Variants in XKR9 observed in about 807,000 individuals in gnomAD.
XKR9 encodes the protein XK related 9, also known as XK-related protein 9.
In XKR9, 32 loss-of-function variants were observed where a neutral mutation model predicts 32.0. The ratio of observed to expected loss-of-function variants is 1.00; its 90% CI spans 0.76 to 1.34. The LOEUF is 1.34. XKR9 is among the 40% of genes most tolerant of loss of function. The probability of loss-of-function intolerance (pLI) is 0.00; values close to 1 mark genes in which losing one functional copy is unlikely to be tolerated. For synonymous variants in XKR9, 168 were observed against 143.4 expected (o/e 1.17, Z -1.22); for missense variants, 546 against 429.7 (o/e 1.27, Z -2.39).
At chr8:70,767,496 C>CTTTTTTTTT (rs34400671) in intron 2 of XKR9, among the ~76,000 whole-genome samples, 59 of 99,342 alleles carry the variant, frequency 5.9e-4, no homozygotes, top group Non-Finnish European at 9.0e-4. Context: ...TCTTTTCCTT[C>CTTTTTTTTT]TTTTTTTTTT....
At chr8:70,839,612 A>G in the XKR9 span, among the ~76,000 whole-genome samples, 3 of 152,108 alleles carry the variant, frequency 2.0e-5, no homozygotes, top group Non-Finnish European at 2.9e-5. Context: ...TTTGTCATCT[A>G]TTTCTTTTTT....
the XKR9 span, among the ~76,000 whole-genome samples, chr8:70,891,149 G>T: frequency 1.3e-5 from 2 of 150,638 alleles, no homozygotes; most frequent in African/African-American, 2.4e-5. Context: ...CTCCTGTTTT[G>T]TTTTTGCTTT....
At chr8:71,001,981 T>A in the XKR9 span, among the ~76,000 whole-genome samples, 48,432 of 152,016 alleles carry the variant, frequency 0.32, 9,051 homozygotes, top group Non-Finnish European at 0.43. Context: ...AAAAGGTAGA[T>A]TAGTTTGGGT....
chr8:70,936,384 G>A, the XKR9 span, among the ~76,000 whole-genome samples: 1 of 152,062 alleles, frequency 6.6e-6, no homozygotes, highest in Non-Finnish European at 1.5e-5. Context: ...CACTGGAAGA[G>A]CCCAGGCAGA....
the XKR9 span, among the ~76,000 whole-genome samples, chr8:70,813,711 G>A: frequency 8.0e-4 from 122 of 152,256 alleles, no homozygotes; most frequent in Admixed American, 2.2e-3. Flanking sequence ...ATCACTGGCC[G>A]TCAGAGAAAT....
At chr8:70,825,371 C>A in the XKR9 span, among the ~76,000 whole-genome samples, 1 of 151,920 alleles carries the variant, frequency 6.6e-6, no homozygotes, top group Non-Finnish European at 1.5e-5. Context: ...TGCTTATTTC[C>A]TCCTCTTATG....
chr8:70,857,959 C>T, the XKR9 span, among the ~76,000 whole-genome samples: 10 of 152,038 alleles, frequency 6.6e-5, no homozygotes, highest in African/African-American at 2.2e-4. Flanking sequence ...ATTGATGGGA[C>T]GCATCTCAAA....
chr8:70,960,655 A>T, the XKR9 span, among the ~76,000 whole-genome samples: 1 of 152,056 alleles, frequency 6.6e-6, no homozygotes, highest in Middle Eastern at 3.4e-3. Flanking sequence ...AGGCGGGAGG[A>T]TTGCTTGAAC....
chr8:70,900,883 C>T, the XKR9 span, among the ~76,000 whole-genome samples: 1 of 152,202 alleles, frequency 6.6e-6, no homozygotes, highest in Admixed American at 6.5e-5. Context: ...TGTTCAATTC[C>T]CACCTATGAG....
At chr8:70,877,602 A>C in the XKR9 span, among the ~76,000 whole-genome samples, 2 of 152,216 alleles carry the variant, frequency 1.3e-5, no homozygotes, top group Non-Finnish European at 2.9e-5. Flanking sequence ...CAAGAAAACA[A>C]GGTTAAAGAA....
the XKR9 span, among the ~76,000 whole-genome samples, chr8:70,813,916 C>T: frequency 1.1e-4 from 17 of 152,220 alleles, no homozygotes; most frequent in South Asian, 2.1e-4. Context: ...CTAGAAATAC[C>T]ATTTGACGCA....
chr8:70,817,423 G>T, the XKR9 span, among the ~76,000 whole-genome samples: 1 of 152,080 alleles, frequency 6.6e-6, no homozygotes, highest in African/African-American at 2.4e-5. Flanking sequence ...TAACCAGGAA[G>T]TTCAAAGATC....
At chr8:70,927,048 A>C in the XKR9 span, among the ~76,000 whole-genome samples, 1 of 151,604 alleles carries the variant, frequency 6.6e-6, no homozygotes, top group Non-Finnish European at 1.5e-5. Flanking sequence ...TTTATGTATA[A>C]GATACATTTT....
the XKR9 span, among the ~76,000 whole-genome samples, chr8:70,897,730 A>ATT: frequency 6.6e-6 from 1 of 151,990 alleles, no homozygotes; most frequent in African/African-American, 2.4e-5. Flanking sequence ...GGATTATTAG[A>ATT]TTTTTTTCTG....
chr8:70,756,502 GATGTTTTTCC>G (rs1807228399), intron 2 of XKR9, among the ~76,000 whole-genome samples: 1 of 152,144 alleles, frequency 6.6e-6, no homozygotes, highest in Admixed American at 6.5e-5. Context: ...ATGAACATGA[GATGTTTTTCC>G]ATTTATTTAG....
At chr8:70,923,797 T>C in the XKR9 span, among the ~76,000 whole-genome samples, 1 of 152,202 alleles carries the variant, frequency 6.6e-6, no homozygotes. Context: ...CAGGCTCTTA[T>C]GTCTGTATTT....
At chr8:70,994,747 GTTTT>G in the XKR9 span, among the ~76,000 whole-genome samples, 1 of 126,880 alleles carries the variant, frequency 7.9e-6, no homozygotes, top group Non-Finnish European at 1.7e-5. Flanking sequence ...GTTATATTCT[GTTTT>G]TTTTTTTTTT....
At chr8:70,944,124 GAA>G in the XKR9 span, among the ~76,000 whole-genome samples, 3 of 148,168 alleles carry the variant, frequency 2.0e-5, no homozygotes, top group Non-Finnish European at 3.0e-5. Flanking sequence ...CAGAGATTGA[GAA>G]AGTTATTCCC....
the XKR9 span, among the ~76,000 whole-genome samples, chr8:71,043,399 G>C: frequency 6.6e-6 from 1 of 152,174 alleles, no homozygotes; most frequent in South Asian, 2.1e-4. Flanking sequence ...GTCCTTCTTT[G>C]TAAGTAAACA....
Sources: allele counts gnomAD v4.1 joint callset (sites outside exome capture counted in the v4.1 genomes callset), GRCh38; gene constraint gnomAD v4.1.1; transcripts MANE v1.5; gene names NCBI Gene and HGNC (gene_info 2026-07-23, HGNC 2026-07-21).